C2CD3: variants seen among roughly 807,000 people sequenced by gnomAD.
The protein encoded by C2CD3 is C2 domain containing 3 centriole elongation regulator, also known as C2 domain-containing protein 3.
In C2CD3, 148 loss-of-function variants were observed where a neutral mutation model predicts 234.0. The observed-to-expected ratio is 0.63, with a 90% CI of 0.55 to 0.72. The LOEUF is 0.72. Ranked by LOEUF, C2CD3 falls within the 30% of genes least tolerant of loss-of-function variation. C2CD3 has a pLI of 0.00. For missense variants in C2CD3, 2,577 were observed against 2,811.5 expected (o/e 0.92, Z 1.89); for synonymous variants, 1,000 against 1,035.4 (o/e 0.97, Z 0.66).
rs898580833 is a variant in C2CD3, at chr11:74,013,383, C to T, written c.*2G>A. 19 of 997,074 alleles carry T rather than the reference C, an allele frequency of 1.9e-5. No individual in the cohort carries two copies. The highest frequency in any genetic ancestry group is 5.1e-5 in the African/African-American group (3 of 59,128). The allele number at this position is 997,074 out of a possible 1,614,324, so 61.8% of individuals were successfully genotyped here. Reference sequence around the variant, plus strand: ...TCCTTCCCCCCAGCCCCTCAGGCTGCGTCAGTCTTTCTGGGAGTACTGAGA... The same window carrying T: ...TCCTTCCCCCCAGCCCCTCAGGCTGTGTCAGTCTTTCTGGGAGTACTGAGA... On this transcript the variant is annotated 3_prime_UTR_variant, in exon 33 of 33. Coordinates refer to ENST00000334126, the MANE Select transcript of C2CD3 (RefSeq NM_001286577.2).
chr11:74,114,574 T>C lies in C2CD3; in HGVS notation c.1540A>G (p.Met514Val), dbSNP rs1220045042. The C allele has an allele frequency of 4.3e-6, 7 of 1,613,720 alleles. No homozygotes were observed. Among genetic ancestry groups the C allele is most frequent in the South Asian group, 1.1e-5 (1 of 91,084 alleles). The change falls in exon 10 of 33, where the codon ATG becomes GTG. Residue 514 changes from methionine to valine, a missense_variant. By Grantham distance (21) the Met-to-Val change is conservative. Coordinates refer to ENST00000334126, the MANE Select transcript of C2CD3 (RefSeq NM_001286577.2). ...KRNRNLVEQQ[M>V]LSETPEDAQT... ...GCATCTTCTGGAGTTTCTGAGAGCA[T>C]CTGTTGTTCAACCAAATTTCTGAAA...
At chr11:74,049,615 G>T (rs1953576508) in intron 26 of C2CD3, 73 bp from the exon 27 acceptor site, 2 of 1,184,652 alleles carry the variant, frequency 1.7e-6, no homozygotes, top group Non-Finnish European at 2.5e-6. Context: ...GGTGCACACA[G>T]AGAAGCTGAT....
At position 74,168,368 on chromosome 11, in the gene C2CD3, T is replaced by C. The variant is rs762754157; in HGVS notation, c.301A>G (p.Lys101Glu). ...TTRYAIRCGP[K>E]QFTSYLTDMA... ...CCTGTTAGATAAGAGGTAAACTGTTTTGGACCACAACGAATAGCGTAACGT... is the reference window on the plus strand; with the variant it reads ...CCTGTTAGATAAGAGGTAAACTGTTCTGGACCACAACGAATAGCGTAACGT... Residue 101 changes from lysine (K) to glutamate (E), a missense_variant, in exon 2 of 33, where the codon AAA becomes GAA. Physicochemically the swap from Lys to Glu is moderately conservative, Grantham distance 56. Transcript: ENST00000334126. The C allele has an allele frequency of 3.0e-5, 49 of 1,613,992 alleles. No homozygotes were observed. The South Asian group carries it at 5.3e-4, about 17-fold the overall frequency.
At chr11:74,158,215 C>CA (rs1254224353) in intron 3 of C2CD3, among the ~76,000 whole-genome samples, 4 of 152,120 alleles carry the variant, frequency 2.6e-5, no homozygotes, top group Non-Finnish European at 4.4e-5. Context: ...CTCTGCACAA[C>CA]AAAGGAAACA....
At chr11:74,116,802 G>A (rs941554340) in intron 9 of C2CD3, among the ~76,000 whole-genome samples, 1 of 134,242 alleles carries the variant, frequency 7.4e-6, no homozygotes, top group Admixed American at 7.3e-5. Context: ...ACACACACAC[G>A]TATATATATA....
intron 32 of C2CD3, among the ~76,000 whole-genome samples, chr11:74,015,278 T>C (rs699140): frequency 0.078 from 11,921 of 152,246 alleles, 1,459 homozygotes; most frequent in African/African-American, 0.26. Flanking sequence ...CAGGTTTAAA[T>C]TGGGTGGGGA....
intron 23 of C2CD3, among the ~76,000 whole-genome samples, chr11:74,077,329 T>C (rs1456687741): frequency 6.6e-6 from 1 of 152,158 alleles, no homozygotes; most frequent in Non-Finnish European, 1.5e-5. Flanking sequence ...AAAAATCCGA[T>C]GAGTTTGGAT....
At chr11:74,036,390 G>A (rs1952742820) in intron 30 of C2CD3, 1 of 455,282 alleles carries the variant, frequency 2.2e-6, no homozygotes, top group Non-Finnish European at 4.4e-6. Context: ...TGGCACAGAT[G>A]GTGCTCAATA....
intron 8 of C2CD3, among the ~76,000 whole-genome samples, chr11:74,121,917 C>A (rs1040097660): frequency 1.7e-4 from 26 of 152,344 alleles, no homozygotes; most frequent in African/African-American, 6.3e-4. Context: ...CAGGTACTCT[C>A]ATTCAGGCAT....
chr11:74,170,620 G>A, intron 1 of C2CD3, 118 bp downstream of exon 1: 2 of 1,196,452 alleles, frequency 1.7e-6, no homozygotes, highest in Non-Finnish European at 2.4e-6. Flanking sequence ...TGGTTCCCTG[G>A]CTACTTCCTT....
intron 19 of C2CD3, 61 bp from the exon 20 acceptor site, chr11:74,090,997 A>G: frequency 1.3e-6 from 2 of 1,589,116 alleles, no homozygotes; most frequent in Admixed American, 1.7e-5. Context: ...CCACCAAACC[A>G]CAAAGTTTTG....
intron 23 of C2CD3, among the ~76,000 whole-genome samples, chr11:74,077,820 T>A (rs1157367849): frequency 9.7e-5 from 2 of 20,542 alleles, no homozygotes; most frequent in Admixed American, 8.8e-4. Flanking sequence ...TATATATATA[T>A]ATATATATAT....
intron 24 of C2CD3, among the ~76,000 whole-genome samples, chr11:74,066,323 GCAGCA>G (rs1954535395): frequency 6.9e-6 from 1 of 144,626 alleles, no homozygotes; most frequent in Non-Finnish European, 1.5e-5. Context: ...GTTAATGGGT[GCAGCA>G]CACCAACATG....
At chr11:74,013,965 C>T (rs911314695) in intron 32 of C2CD3, among the ~76,000 whole-genome samples, 8 of 152,130 alleles carry the variant, frequency 5.3e-5, no homozygotes, top group South Asian at 2.1e-4. Flanking sequence ...AGGGAGATGG[C>T]GGTGAATAAT....
intron 3 of C2CD3, among the ~76,000 whole-genome samples, chr11:74,146,688 G>C (rs912737384): frequency 4.9e-5 from 7 of 141,808 alleles, no homozygotes; most frequent in African/African-American, 1.8e-4. Flanking sequence ...TATTTACTTT[G>C]TCTACAAGGC....
intron 2 of C2CD3, among the ~76,000 whole-genome samples, chr11:74,161,811 T>C (rs1365385516): frequency 1.3e-5 from 2 of 150,304 alleles, no homozygotes; most frequent in East Asian, 3.9e-4. Flanking sequence ...CATGAAGTTC[T>C]ACTTTTTTTT....
intron 3 of C2CD3, among the ~76,000 whole-genome samples, chr11:74,151,305 C>A (rs1478972908): frequency 2.3e-5 from 3 of 133,292 alleles, no homozygotes; most frequent in African/African-American, 8.1e-5. Flanking sequence ...ATCCAACACT[C>A]TTTATTTATT....
intron 14 of C2CD3, among the ~76,000 whole-genome samples, chr11:74,101,444 G>A (rs1450519680): frequency 6.6e-6 from 1 of 152,126 alleles, no homozygotes; most frequent in Non-Finnish European, 1.5e-5. Flanking sequence ...ATGAGAGGAA[G>A]ACACCAGAAA....
intron 25 of C2CD3, among the ~76,000 whole-genome samples, chr11:74,055,359 A>G (rs1298380154): frequency 2.6e-5 from 4 of 151,476 alleles, no homozygotes; most frequent in Non-Finnish European, 5.9e-5. Flanking sequence ...TCCACTGAAC[A>G]CCTCCAATAC....
Sources: gnomAD v4.1 joint callset for allele counts (sites outside exome capture counted in the v4.1 genomes callset) on GRCh38, gnomAD v4.1.1 for gene constraint, MANE v1.5 for transcripts, NCBI Gene and HGNC (gene_info 2026-07-23, HGNC 2026-07-21) for gene names.